The following TBC1D19 variants were observed in gnomAD, a reference collection of about 807,000 sequenced individuals.
The protein encoded by TBC1D19 is TBC1 domain family member 19.
Under a neutral mutation model 89.0 loss-of-function variants are expected in TBC1D19, and 60 were observed. That is an observed-to-expected ratio of 0.67 (90% CI 0.55 to 0.84). TBC1D19 has a LOEUF of 0.84. Ranked by LOEUF, TBC1D19 falls within the 40% of genes least tolerant of loss-of-function variation. The probability of loss-of-function intolerance (pLI) is 0.00; values close to 1 mark genes in which losing one functional copy is unlikely to be tolerated. For synonymous variants in TBC1D19, 189 were observed against 199.7 expected (o/e 0.95, Z 0.45); for missense variants, 500 against 610.8 (o/e 0.82, Z 1.91).
the TBC1D19 span, among the ~76,000 whole-genome samples, chr4:26,815,837 G>T: frequency 6.6e-6 from 1 of 152,168 alleles, no homozygotes; most frequent in Admixed American, 6.5e-5. Context: ...AGATGGCATG[G>T]CTCCTTTGTA....
chr4:26,827,852 G>A, the TBC1D19 span, among the ~76,000 whole-genome samples: 2 of 152,212 alleles, frequency 1.3e-5, no homozygotes, highest in African/African-American at 4.8e-5. Flanking sequence ...TCCTGGGTAG[G>A]TGTGAATACA....
chr4:26,709,705 T>G (rs1716012852), intron 13 of TBC1D19, among the ~76,000 whole-genome samples: 1 of 151,930 alleles, frequency 6.6e-6, no homozygotes, highest in Non-Finnish European at 1.5e-5. Flanking sequence ...ATCCAAGCTT[T>G]CTCCTAAAAG....
chr4:26,641,368 G>A (rs1305153304), intron 7 of TBC1D19, among the ~76,000 whole-genome samples: 1 of 152,176 alleles, frequency 6.6e-6, no homozygotes, highest in Non-Finnish European at 1.5e-5. Context: ...CAAACAGAAA[G>A]GAATAGCATC....
At chr4:26,820,545 A>G in the TBC1D19 span, among the ~76,000 whole-genome samples, 1 of 152,238 alleles carries the variant, frequency 6.6e-6, no homozygotes, top group Non-Finnish European at 1.5e-5. Context: ...TAAAGGCTGT[A>G]TAGTATTCCA....
chr4:26,586,136 A>C (rs889954132), intron 1 of TBC1D19, among the ~76,000 whole-genome samples: 1 of 115,082 alleles, frequency 8.7e-6, no homozygotes, highest in Non-Finnish European at 1.9e-5. Context: ...TTTGTGATCC[A>C]TTTGAGTTAA....
chr4:26,681,692 G>C (rs766751764), intron 11 of TBC1D19, among the ~76,000 whole-genome samples: 2 of 151,990 alleles, frequency 1.3e-5, no homozygotes, highest in South Asian at 2.1e-4. Context: ...CCATCTATAG[G>C]GATATGATTA....
At chr4:26,752,834 A>AT (rs1230331234) in intron 19 of TBC1D19, among the ~76,000 whole-genome samples, 6 of 151,974 alleles carry the variant, frequency 3.9e-5, no homozygotes, top group African/African-American at 1.4e-4. Context: ...GCTGTTTTTA[A>AT]TTTTTTTTAA....
At chr4:26,647,579 C>G (rs922551526) in intron 7 of TBC1D19, among the ~76,000 whole-genome samples, 1 of 152,184 alleles carries the variant, frequency 6.6e-6, no homozygotes, top group Non-Finnish European at 1.5e-5. Context: ...AGCCACTCTT[C>G]TGCTATCCAG....
At chr4:26,785,930 C>A in the TBC1D19 span, among the ~76,000 whole-genome samples, 1 of 152,124 alleles carries the variant, frequency 6.6e-6, no homozygotes, top group African/African-American at 2.4e-5. Flanking sequence ...CAGGGGTAGG[C>A]AGGCAGAATG....
chr4:26,683,774 T>C (rs894367824), intron 12 of TBC1D19, 25 bp downstream of exon 12: 4 of 1,576,548 alleles, frequency 2.5e-6, no homozygotes, highest in East Asian at 2.2e-5. Context: ...GCTTAGTTTT[T>C]CCTTTTCATT....
At chr4:26,697,265 G>C (rs1191841373) in intron 13 of TBC1D19, among the ~76,000 whole-genome samples, 1 of 152,158 alleles carries the variant, frequency 6.6e-6, no homozygotes, top group Non-Finnish European at 1.5e-5. Context: ...AGAAGAAATG[G>C]ATAAATTCCT....
At chr4:26,804,577 A>C in the TBC1D19 span, among the ~76,000 whole-genome samples, 4 of 152,236 alleles carry the variant, frequency 2.6e-5, no homozygotes, top group Admixed American at 1.3e-4. Flanking sequence ...TGAAAAGGTC[A>C]AAGAGCCCAG....
upstream of TBC1D19, among the ~76,000 whole-genome samples, chr4:26,581,974 C>CT (rs763498376): frequency 0.024 from 3,452 of 141,808 alleles, 63 homozygotes; most frequent in South Asian, 0.037. Context: ...GATTAAGGGA[C>CT]TTTTTTTTTT....
chr4:26,849,920 G>C, the TBC1D19 span, among the ~76,000 whole-genome samples: 1 of 152,028 alleles, frequency 6.6e-6, no homozygotes, highest in Non-Finnish European at 1.5e-5. Flanking sequence ...AGTTTTTTTA[G>C]GGATTGTACT....
At chr4:26,601,666 G>T (rs564741674) in intron 1 of TBC1D19, among the ~76,000 whole-genome samples, 1 of 152,296 alleles carries the variant, frequency 6.6e-6, no homozygotes, top group South Asian at 2.1e-4. Flanking sequence ...ATACTTGAAT[G>T]AAATATTCTG....
At chr4:26,668,931 T>C (rs1490598223) in intron 9 of TBC1D19, among the ~76,000 whole-genome samples, 1 of 151,546 alleles carries the variant, frequency 6.6e-6, no homozygotes, top group Admixed American at 6.6e-5. Flanking sequence ...AAAAAAGTCA[T>C]AGCCATTACT....
At chr4:26,648,765 A>C (rs767982182) in intron 7 of TBC1D19, among the ~76,000 whole-genome samples, 1 of 152,158 alleles carries the variant, frequency 6.6e-6, no homozygotes, top group African/African-American at 2.4e-5. Flanking sequence ...TTAGCTTACT[A>C]AAAGTTTCTC....
intron 7 of TBC1D19, among the ~76,000 whole-genome samples, chr4:26,650,596 G>C (rs1235868119): frequency 6.6e-6 from 1 of 152,078 alleles, no homozygotes; most frequent in Non-Finnish European, 1.5e-5. Flanking sequence ...TGAGTTCATT[G>C]TAGATTCTGG....
intron 11 of TBC1D19, among the ~76,000 whole-genome samples, chr4:26,676,424 G>A (rs1009453018): frequency 1.3e-5 from 2 of 152,162 alleles, no homozygotes; most frequent in Non-Finnish European, 2.9e-5. Context: ...TACTTAAATG[G>A]AAGAAATGTC....
Sources: gnomAD v4.1 joint callset for allele counts (sites outside exome capture counted in the v4.1 genomes callset) on GRCh38, gnomAD v4.1.1 for gene constraint, MANE v1.5 for transcripts, NCBI Gene and HGNC (gene_info 2026-07-23, HGNC 2026-07-21) for gene names.